The following RAPGEF2 variants were observed in gnomAD, a reference collection of about 807,000 sequenced individuals.
RAPGEF2 encodes Rap guanine nucleotide exchange factor 2, also known as PDZ domain containing guanine nucleotide exchange factor (GEF) 1.
Under a neutral mutation model 186.7 loss-of-function variants are expected in RAPGEF2, and 54 were observed. The observed-to-expected ratio is 0.29, with a 90% CI of 0.23 to 0.36. The LOEUF (loss-of-function observed/expected upper bound fraction) is 0.36, where lower values mean the gene tolerates loss of function less well. Ranked by LOEUF, RAPGEF2 falls within the 10% of genes least tolerant of loss-of-function variation. The probability of loss-of-function intolerance (pLI) is 1.00; values close to 1 mark genes in which losing one functional copy is unlikely to be tolerated. For missense variants in RAPGEF2, 1,532 were observed against 2,045.0 expected (o/e 0.75, Z 4.84); for synonymous variants, 712 against 705.9 (o/e 1.01, Z -0.14).
chr4:159,166,989 T>TA, intron 1 of RAPGEF2, among the ~76,000 whole-genome samples: 1 of 152,222 alleles, frequency 6.6e-6, no homozygotes, highest in Middle Eastern at 3.4e-3. Context: ...GGCAACCGCC[T>TA]AAAAAATGAC....
In RAPGEF2 at chr4:159,144,879, G is replaced by GTTTTTTT. The variant is rs137978885; in HGVS notation, c.69+40668_69+40674dup. Among the ~76,000 whole-genome samples, 103 of 92,306 alleles carry GTTTTTTT rather than the reference G, an allele frequency of 1.1e-3. 7 individuals carry two copies. The highest frequency in any genetic ancestry group is 3.6e-3 in the African/African-American group (85 of 23,560). 60.6% of individuals were successfully genotyped at this position (92,306 alleles called of 152,430 possible). ...CTTCTTAATTTTTTTCTTTCTTCCT[G>GTTTTTTT]TTTTTTTTTTTTTTTTTTTTTTTTT... On this transcript the variant is annotated intron_variant, in intron 1 of 29. Coordinates refer to ENST00000691494, the MANE Select transcript of RAPGEF2 (RefSeq NM_001394067.2).
intron 3 of RAPGEF2, among the ~76,000 whole-genome samples, chr4:159,198,997 G>A (rs1043554099): frequency 2.8e-5 from 4 of 144,870 alleles, no homozygotes; most frequent in African/African-American, 1.0e-4. Flanking sequence ...AATTGCCTGA[G>A]CCCCAGCAGC....
intron 23 of RAPGEF2, 69 bp downstream of exon 23, chr4:159,344,128 G>A (rs1358792058): frequency 6.1e-6 from 9 of 1,479,118 alleles, no homozygotes; most frequent in African/African-American, 1.4e-5. Flanking sequence ...TTTCTTACCT[G>A]CTGTATTTTC....
chr4:159,353,919 G>T lies in RAPGEF2; in HGVS notation c.4524G>T (p.Arg1508Ser). 4 of 1,614,206 alleles carry T rather than the reference G, an allele frequency of 2.5e-6. No individual in the cohort carries two copies. The highest frequency in any genetic ancestry group is 3.4e-6 in the Non-Finnish European group (4 of 1,180,036). The change falls in exon 28 of 30, where the codon AGG (arginine) becomes AGT (serine). Residue 1508 changes from arginine to serine, a missense_variant. Arg to Ser is a moderately radical substitution (Grantham distance 110). This residue lies in a region of RAPGEF2 where 594 missense variants were observed against 608.5 expected (regional missense o/e 0.98). Coordinates refer to ENST00000691494, the MANE Select transcript of RAPGEF2 (RefSeq NM_001394067.2). The surrounding 1 kb of genome is among the most constrained non-coding windows in gnomAD (Gnocchi z 4.3). ...GTGACACAGGCACAATAAAGCGGAG[G>T]GGTGGAAAGGATGTTTCCATTGAAG... ...SEGDTGTIKR[R>S]GGKDVSIEAE...
chr4:159,114,779 C>G (rs980166165), intron 1 of RAPGEF2, among the ~76,000 whole-genome samples: 1 of 152,108 alleles, frequency 6.6e-6, no homozygotes, highest in African/African-American at 2.4e-5. Flanking sequence ...TCTCTCTTCC[C>G]CACTTTTTTC....
chr4:159,330,478 G>A lies in RAPGEF2; in HGVS notation c.1447G>A (p.Asp483Asn), dbSNP rs888516597. ...VGKKLLEWFN[D>N]PSLRDKVTRV... The stretch of plus-strand genomic sequence containing the variant: ...CAAAAAGTTATTGGAGTGGTTTAAT[G>A]ACCCGAGCCTCAGGGATAAGGTTGG... The change falls in exon 13 of 30, where the codon GAC becomes AAC. Residue 483 changes from aspartate (D) to asparagine (N), a missense_variant. Around this residue, in one of 4 missense-constraint regions of RAPGEF2, gnomAD observed 810 missense variants for 1,210.5 expected, o/e 0.67. Transcript: ENST00000691494. 5.0e-6 allele frequency: 8 copies of A among 1,604,278 alleles called. No individual in the cohort carries two copies. The highest frequency in any genetic ancestry group is 6.8e-6 in the Non-Finnish European group (8 of 1,177,490).
At chr4:159,119,011 G>A (rs762350065) in intron 1 of RAPGEF2, among the ~76,000 whole-genome samples, 44 of 152,046 alleles carry the variant, frequency 2.9e-4, no homozygotes, top group Middle Eastern at 3.2e-3. Flanking sequence ...ACTTTTCATC[G>A]TTGGTTTAAT....
intron 9 of RAPGEF2, among the ~76,000 whole-genome samples, chr4:159,320,285 C>T (rs923751837): frequency 5.9e-5 from 9 of 152,016 alleles, no homozygotes; most frequent in African/African-American, 2.2e-4. Flanking sequence ...TTCCTGCCTC[C>T]CATATATGAT....
chr4:159,226,176 T>C (rs1416794076), intron 4 of RAPGEF2, among the ~76,000 whole-genome samples: 1 of 152,178 alleles, frequency 6.6e-6, no homozygotes, highest in African/African-American at 2.4e-5. Flanking sequence ...AGGTAAAGGG[T>C]TGAGGTTTAC....
At chr4:159,280,472 G>GTA (rs1337446022) in intron 7 of RAPGEF2, among the ~76,000 whole-genome samples, 3 of 152,166 alleles carry the variant, frequency 2.0e-5, no homozygotes, top group Non-Finnish European at 4.4e-5. Flanking sequence ...TGAAAAGAGT[G>GTA]TATGTCTGAT....
intron 7 of RAPGEF2, among the ~76,000 whole-genome samples, chr4:159,281,603 G>A (rs1283590327): frequency 2.7e-5 from 4 of 150,254 alleles, no homozygotes; most frequent in South Asian, 2.1e-4. Flanking sequence ...CCCAGGAGGC[G>A]GAGGTTGCAA....
intron 7 of RAPGEF2, among the ~76,000 whole-genome samples, chr4:159,254,575 A>G (rs894950861): frequency 1.3e-5 from 2 of 151,934 alleles, no homozygotes; most frequent in African/African-American, 4.8e-5. Flanking sequence ...TGACAAGTCC[A>G]AAATCTGTAC....
chr4:159,330,265 A>ATGTG lies in RAPGEF2; in HGVS notation c.1303-41_1303-38dup, dbSNP rs59463532. 0.047 allele frequency: 25,242 copies of ATGTG among 534,002 alleles called. 197 individuals carry two copies. The highest frequency in any genetic ancestry group is 0.077 in the Middle Eastern group (220 of 2,868). 33.1% of individuals were successfully genotyped at this position (534,002 alleles called of 1,614,324 possible). On this transcript the variant is annotated intron_variant, in intron 12 of 29. Coordinates refer to ENST00000691494, the MANE Select transcript of RAPGEF2 (RefSeq NM_001394067.2). ...CATATATGTGTGTGTGTATATGTAT[A>ATGTG]TGTGTGTGTGTGTGTGTGTGTGTGT...
At chr4:159,348,286 A>ATGGATG (rs1561330238) in intron 25 of RAPGEF2, among the ~76,000 whole-genome samples, 11 of 136,254 alleles carry the variant, frequency 8.1e-5, no homozygotes, top group Non-Finnish European at 1.3e-4. Context: ...ATGGATGGAT[A>ATGGATG]GATAGATAAA....
intron 1 of RAPGEF2, among the ~76,000 whole-genome samples, chr4:159,156,181 G>T (rs1008779711): frequency 7.9e-5 from 12 of 152,130 alleles, no homozygotes; most frequent in African/African-American, 2.7e-4. Context: ...ATTGAGGAAG[G>T]ATCCACTTCC....
intron 1 of RAPGEF2, 68 bp from the exon 2 acceptor site, chr4:159,186,574 G>C: frequency 1.3e-6 from 1 of 762,508 alleles, no homozygotes; most frequent in Non-Finnish European, 2.0e-6. Flanking sequence ...TGTAGATACA[G>C]TGTGACTTAT....
chr4:159,240,022 G>C (rs1268021200), intron 5 of RAPGEF2, among the ~76,000 whole-genome samples: 2 of 152,164 alleles, frequency 1.3e-5, no homozygotes, highest in African/African-American at 4.8e-5. Flanking sequence ...ACTCAAGTGA[G>C]AAAGTAGCAT....
intron 7 of RAPGEF2, among the ~76,000 whole-genome samples, chr4:159,293,741 A>G (rs1255867476): frequency 2.0e-5 from 3 of 152,202 alleles, no homozygotes; most frequent in African/African-American, 4.8e-5. Flanking sequence ...TTCTTGATCA[A>G]TGGACAAATT....
At chr4:159,119,079 A>C (rs1043115745) in intron 1 of RAPGEF2, among the ~76,000 whole-genome samples, 2 of 152,164 alleles carry the variant, frequency 1.3e-5, no homozygotes, top group African/African-American at 2.4e-5. Flanking sequence ...TTTATAGTAC[A>C]GATTGTGTTA....
Sources: gnomAD v4.1 joint callset for allele counts (sites outside exome capture counted in the v4.1 genomes callset) on GRCh38, gnomAD v4.1.1 for gene constraint, gnomAD v4.1.1 regional missense constraint, Gnocchi (gnomAD v3.1) non-coding constraint, MANE v1.5 for transcripts, NCBI Gene and HGNC (gene_info 2026-07-23, HGNC 2026-07-21) for gene names.